CENPL: variants seen among roughly 807,000 people sequenced by gnomAD.
CENPL encodes interphase centromere complex protein 33.
In CENPL, 20 loss-of-function variants were observed where a neutral mutation model predicts 35.2. That is an observed-to-expected ratio of 0.57 (90% CI 0.40 to 0.83). The LOEUF (loss-of-function observed/expected upper bound fraction) is 0.83, where lower values mean the gene tolerates loss of function less well. Among genes scored for constraint, CENPL ranks in the 40% least tolerant of loss-of-function variants. The pLI is 0.00. For synonymous variants in CENPL, 140 were observed against 140.6 expected (o/e 1.00, Z 0.03); for missense variants, 363 against 395.8 (o/e 0.92, Z 0.70).
chr1:173,818,222 C>G (rs1651609294), intron 2 of CENPL, among the ~76,000 whole-genome samples: 1 of 151,994 alleles, frequency 6.6e-6, no homozygotes, highest in Admixed American at 6.6e-5. Flanking sequence ...AAAGCTAATT[C>G]CTTAGCCACA....
Position 173,813,433 on chromosome 1 carries a change from G to A in CENPL, c.-7-2127C>T, listed in dbSNP as rs1277046094. 7.2e-5 allele frequency among the ~76,000 whole-genome samples: 11 copies of A among 152,206 alleles called. No homozygotes were observed. The East Asian group carries it at 1.2e-3, about 16-fold the overall frequency. On this transcript the variant is annotated intron_variant, in intron 2 of 5. Coordinates refer to ENST00000682279, the MANE Select transcript of CENPL (RefSeq NM_001387287.1). ...TTAAGGGCAGCCAGAGAGAAAGGTCGGGTTACCCACAAAGGGAAGCCCATC... is the reference window on the plus strand; with the variant it reads ...TTAAGGGCAGCCAGAGAGAAAGGTCAGGTTACCCACAAAGGGAAGCCCATC...
intron 3 of CENPL, among the ~76,000 whole-genome samples, 161 bp from the exon 4 acceptor site, chr1:173,807,679 C>A (rs1434433339): frequency 6.6e-6 from 1 of 152,182 alleles, no homozygotes; most frequent in African/African-American, 2.4e-5. Context: ...CTTGAACAGA[C>A]CTTTACCTTT....
chr1:173,802,353 C>T (rs1472833618), intron 5 of CENPL, among the ~76,000 whole-genome samples: 2 of 152,054 alleles, frequency 1.3e-5, no homozygotes, highest in Non-Finnish European at 2.9e-5. Flanking sequence ...ACTACAGATG[C>T]CCACCACCAC....
chr1:173,803,217 T>A lies in CENPL; in HGVS notation c.709A>T (p.Thr237Ser). 6.2e-7 allele frequency: 1 copy of A among 1,613,814 alleles called. No individual in the cohort carries two copies. Among genetic ancestry groups the A allele is most frequent in the African/African-American group, 1.3e-5 (1 of 75,046 alleles). ...ACKMDHYVAT[T>S]EFLWSVPCSP... ...CAGGGTACAGACCAAAGAAATTCAG[T>A]AGTAGCCACATAATGGTCCATTTTG... Residue 237 changes from threonine to serine, a missense_variant, in exon 5 of 6, where the codon ACT becomes TCT. Transcript: ENST00000682279.
At position 173,803,467 on chromosome 1, in the gene CENPL, T is replaced by G. The variant is rs1328582538; in HGVS notation, c.459A>C (p.Glu153Asp). ...SKSQLPSENREGKVLWTGWFC... is the reference protein window; with the variant it reads ...SKSQLPSENRDGKVLWTGWFC... ...ACCAGCCAGTCCACAGCACTTTACC[T>G]TCTCTATTCTCAGATGGCAATTGAG... The change falls in exon 5 of 6, where the codon GAA (glutamate) becomes GAC (aspartate). Residue 153 changes from glutamate to aspartate, a missense_variant. Physicochemically the swap from Glu to Asp is conservative, Grantham distance 45 (BLOSUM62 2). Coordinates refer to ENST00000682279, the MANE Select transcript of CENPL (RefSeq NM_001387287.1). The G allele has an allele frequency of 6.3e-7, 1 of 1,590,878 alleles. No individual in the cohort carries two copies. Among genetic ancestry groups the G allele is most frequent in the Admixed American group, 1.8e-5 (1 of 56,888 alleles).
At chr1:173,819,939 C>A (rs1651788502) in intron 2 of CENPL, among the ~76,000 whole-genome samples, 1 of 151,834 alleles carries the variant, frequency 6.6e-6, no homozygotes, top group African/African-American at 2.4e-5. Context: ...GAACTCCTGA[C>A]CTCAGGTGAT....
At chr1:173,815,122 C>T (rs1261837495) in intron 2 of CENPL, among the ~76,000 whole-genome samples, 1 of 152,092 alleles carries the variant, frequency 6.6e-6, no homozygotes, top group East Asian at 1.9e-4. Context: ...TACACCCTCC[C>T]AAGACTAAAC....
chr1:173,822,505 C>T (rs189312850), intron 2 of CENPL: 1 of 152,270 alleles, frequency 6.6e-6, no homozygotes, highest in Non-Finnish European at 1.5e-5. Flanking sequence ...AGCTGCAACC[C>T]AGTCCTGCAT....
rs777447213 is a variant in CENPL, at chr1:173,810,528, T to TA, written c.168+603dup. On this transcript the variant is annotated intron_variant, in intron 3 of 5. Coordinates refer to ENST00000682279, the MANE Select transcript of CENPL (RefSeq NM_001387287.1). ...ATACCCCTTAACTTAAAATAAAAGT[T>TA]AAAAAAAAAATACCGTGGACATGAT... Among the ~76,000 whole-genome samples the TA allele has an allele frequency of 2.4e-4, 35 of 148,818 alleles. No individual in the cohort carries two copies. The East Asian group carries it at 3.5e-3, about 15-fold the overall frequency.
In CENPL at chr1:173,810,462, C is replaced by T. The variant is rs150673486; in HGVS notation, c.168+670G>A. Among the ~76,000 whole-genome samples, 157 of 151,984 alleles carry T rather than the reference C, an allele frequency of 1.0e-3. 1 individual carries two copies. Among genetic ancestry groups the T allele is most frequent in the African/African-American group, 3.2e-3 (132 of 41,456 alleles). On this transcript the variant is annotated intron_variant, in intron 3 of 5. Coordinates refer to ENST00000682279, the MANE Select transcript of CENPL (RefSeq NM_001387287.1). ...TAATCTGTACAACCAACCCCCATGA[C>T]GCACGTTTACCTAGAAAACAAACCT...
In CENPL at chr1:173,815,868, A is replaced by T. The variant is rs182598201; in HGVS notation, c.-7-4562T>A. Among the ~76,000 whole-genome samples, 25 of 152,330 alleles carry T rather than the reference A, an allele frequency of 1.6e-4. 1 individual carries two copies. In the East Asian group the frequency reaches 4.4e-3, roughly 27 times the overall value. ...CAGGCAAGAGAAAGAAATAAAGGGT[A>T]TTCAATTAGGAAAAGAGGAAGTCAA... On this transcript the variant is annotated intron_variant, in intron 2 of 5. Transcript: ENST00000682279.
intron 2 of CENPL, among the ~76,000 whole-genome samples, chr1:173,815,565 A>C (rs947306465): frequency 6.6e-6 from 1 of 152,336 alleles, no homozygotes; most frequent in Non-Finnish European, 1.5e-5. Context: ...TCATCACATA[A>C]ACAGAAACAA....
At chr1:173,814,259 T>C (rs184175393) in intron 2 of CENPL, among the ~76,000 whole-genome samples, 30 of 152,180 alleles carry the variant, frequency 2.0e-4, no homozygotes, top group Middle Eastern at 6.8e-3. Context: ...CCACTGTCAA[T>C]ATTAGACAGA....
At position 173,807,499 on chromosome 1, in the gene CENPL, T is replaced by G; in HGVS notation, c.188A>C (p.Lys63Thr). 6.7e-7 allele frequency: 1 copy of G among 1,492,706 alleles called. No homozygotes were observed. The highest frequency in any genetic ancestry group is 9.0e-7 in the Non-Finnish European group (1 of 1,112,652). The allele number at this position is 1,492,706 out of a possible 1,614,324, so 92.5% of individuals were successfully genotyped here. A position where few individuals can be genotyped will look rare whatever the true frequency, so the allele number is the denominator to read the frequency against. ...SQLQEDVDPQ[K>T]VAFLLHKQWT... Reference sequence around the variant, plus strand: ...CTGTTTATGCAGAAGGAATGCAACCTTTTGAGGGTCAACATCTTCCTATAA... The same window carrying G: ...CTGTTTATGCAGAAGGAATGCAACCGTTTGAGGGTCAACATCTTCCTATAA... Residue 63 changes from lysine (K) to threonine (T), a missense_variant, in exon 4 of 6, where the codon AAG (lysine) becomes ACG (threonine). By Grantham distance (78) the Lys-to-Thr change is moderately conservative (BLOSUM62 -1). Coordinates refer to ENST00000682279, the MANE Select transcript of CENPL (RefSeq NM_001387287.1).
At chr1:173,822,207 CTG>C (rs1652019434) in intron 2 of CENPL, 1 of 152,306 alleles carries the variant, frequency 6.6e-6, no homozygotes, top group Admixed American at 6.5e-5. Context: ...TACAAAGAAA[CTG>C]TACTTTCGAA....
chr1:173,809,685 T>C (rs1051671394), intron 3 of CENPL, among the ~76,000 whole-genome samples: 3 of 149,606 alleles, frequency 2.0e-5, no homozygotes, highest in African/African-American at 4.9e-5. Context: ...AAAGAAGACA[T>C]ACATGAGGCC....
intron 2 of CENPL, among the ~76,000 whole-genome samples, chr1:173,816,259 C>T (rs1477350486): frequency 6.6e-6 from 1 of 152,144 alleles, no homozygotes; most frequent in East Asian, 1.9e-4. Context: ...CCATACTGCC[C>T]AAGGTAATTT....
rs988328799 is a variant in CENPL, at chr1:173,820,869, A to G, written c.-8+3057T>C. On this transcript the variant is annotated intron_variant, in intron 2 of 5. Coordinates refer to ENST00000682279, the MANE Select transcript of CENPL (RefSeq NM_001387287.1). The stretch of plus-strand genomic sequence containing the variant: ...AGGAATGAAAACAGATGAGTGGCTG[A>G]CAGAGATCAGGGAAAGGGAAGAGGG... 1.2e-4 allele frequency among the ~76,000 whole-genome samples: 18 copies of G among 152,206 alleles called. 1 individual carries two copies. The highest frequency in any genetic ancestry group is 6.2e-4 in the South Asian group (3 of 4,832).
intron 4 of CENPL, among the ~76,000 whole-genome samples, chr1:173,805,242 G>A (rs953717841): frequency 1.3e-5 from 2 of 152,092 alleles, no homozygotes; most frequent in Non-Finnish European, 2.9e-5. Context: ...TTTATGGCTG[G>A]GCGAGATGGC....
Sources: allele counts gnomAD v4.1 joint callset (sites outside exome capture counted in the v4.1 genomes callset), GRCh38; gene constraint gnomAD v4.1.1; transcripts MANE v1.5; gene names NCBI Gene and HGNC (gene_info 2026-07-23, HGNC 2026-07-21).